Variants in AUTS2 observed in about 807,000 individuals in gnomAD.
AUTS2 encodes the protein autism susceptibility gene 2 protein.
A neutral mutation model predicts 112.4 loss-of-function variants in AUTS2; 17 were observed. The ratio of observed to expected loss-of-function variants is 0.15; its 90% CI spans 0.10 to 0.23. AUTS2 has a LOEUF of 0.23. Among genes scored for constraint, AUTS2 ranks in the 10% least tolerant of loss-of-function variants. AUTS2 has a pLI of 1.00. For missense variants in AUTS2, 1,510 were observed against 1,701.6 expected (o/e 0.89, Z 1.98); for synonymous variants, 751 against 702.7 (o/e 1.07, Z -1.09).
At chr7:70,433,335 C>T (rs80217798) in intron 4 of AUTS2, among the ~76,000 whole-genome samples, 96 of 152,320 alleles carry the variant, frequency 6.3e-4, no homozygotes, top group African/African-American at 2.3e-3. Context: ...GATTACCTCA[C>T]AAGGAGCGCT....
intron 4 of AUTS2, among the ~76,000 whole-genome samples, chr7:70,357,441 C>T (rs1343903303): frequency 1.3e-5 from 2 of 152,174 alleles, no homozygotes; most frequent in Non-Finnish European, 2.9e-5. Context: ...GTCCCATCTT[C>T]CCATCCATTA....
chr7:70,477,545 C>A (rs1440190570), intron 5 of AUTS2, among the ~76,000 whole-genome samples: 4 of 152,172 alleles, frequency 2.6e-5, no homozygotes, highest in African/African-American at 7.2e-5. Flanking sequence ...AGGGCATCAT[C>A]AGAATCACCC....
intron 5 of AUTS2, among the ~76,000 whole-genome samples, chr7:70,450,182 G>A (rs1260571683): frequency 6.6e-6 from 1 of 152,162 alleles, no homozygotes; most frequent in East Asian, 1.9e-4. Flanking sequence ...GCTAAGCCAA[G>A]CACTGTCATG....
At chr7:70,493,118 A>T (rs1798314639) in intron 5 of AUTS2, among the ~76,000 whole-genome samples, 1 of 152,216 alleles carries the variant, frequency 6.6e-6, no homozygotes, top group Non-Finnish European at 1.5e-5. Context: ...TTTTCTAAAA[A>T]TGTATATGCT....
intron 5 of AUTS2, among the ~76,000 whole-genome samples, chr7:70,544,590 A>C (rs1186506153): frequency 1.3e-5 from 2 of 152,192 alleles, no homozygotes; most frequent in Non-Finnish European, 2.9e-5. Flanking sequence ...TGGAACCAGA[A>C]AAGCTAAGTG....
At position 70,295,519 on chromosome 7, in the gene AUTS2, AT is replaced by A. The variant is rs534633349; in HGVS notation, c.661-140232del. ...TTTGGGTTTTGTTTTTGGAGTTTGG[AT>A]CTCTTAGTTTTCATCCTGAATACTG... On this transcript the variant is annotated intron_variant, in intron 4 of 18. Coordinates refer to ENST00000342771, the MANE Select transcript of AUTS2 (RefSeq NM_015570.4). Among the ~76,000 whole-genome samples the A allele has an allele frequency of 6.2e-3, 938 of 151,934 alleles. 11 individuals are homozygous for A. The highest frequency in any genetic ancestry group is 0.021 in the African/African-American group (879 of 41,396).
chr7:70,592,190 T>C (rs993045272), intron 5 of AUTS2, among the ~76,000 whole-genome samples: 4 of 152,134 alleles, frequency 2.6e-5, no homozygotes, highest in African/African-American at 7.2e-5. Context: ...GTATGACACA[T>C]CAAAGAAAGG....
intron 4 of AUTS2, among the ~76,000 whole-genome samples, chr7:70,195,191 C>T (rs1411656936): frequency 6.6e-6 from 1 of 152,162 alleles, no homozygotes; most frequent in Non-Finnish European, 1.5e-5. Flanking sequence ...TAAGACACAA[C>T]TATTAACATA....
At chr7:69,724,127 T>C (rs952387021) in intron 1 of AUTS2, among the ~76,000 whole-genome samples, 2 of 152,186 alleles carry the variant, frequency 1.3e-5, no homozygotes, top group African/African-American at 4.8e-5. Flanking sequence ...AGAGTCAGAC[T>C]ACCTCGGGTG....
chr7:70,132,668 T>A (rs900067704), intron 3 of AUTS2, among the ~76,000 whole-genome samples: 1 of 152,162 alleles, frequency 6.6e-6, no homozygotes, highest in African/African-American at 2.4e-5. Flanking sequence ...CCCAGCTCCC[T>A]GAGTAATGTA....
At chr7:70,734,123 G>A (rs949653098) in intron 6 of AUTS2, among the ~76,000 whole-genome samples, 5 of 151,874 alleles carry the variant, frequency 3.3e-5, no homozygotes, top group African/African-American at 7.3e-5. Flanking sequence ...CAGGCTTCAC[G>A]TTGTACTCGT....
At chr7:70,406,734 G>T (rs1430951644) in intron 4 of AUTS2, among the ~76,000 whole-genome samples, 3 of 152,168 alleles carry the variant, frequency 2.0e-5, no homozygotes, top group Admixed American at 6.5e-5. Flanking sequence ...ACATCAATTC[G>T]TCTTCTCTTG....
chr7:70,289,366 G>A (rs1788606656), intron 4 of AUTS2, among the ~76,000 whole-genome samples: 1 of 152,200 alleles, frequency 6.6e-6, no homozygotes, highest in Non-Finnish European at 1.5e-5. Flanking sequence ...TCTCTTCCAT[G>A]TGCTCCCTTC....
chr7:70,041,367 T>C (rs1373370209), intron 2 of AUTS2, among the ~76,000 whole-genome samples: 1 of 152,234 alleles, frequency 6.6e-6, no homozygotes, highest in African/African-American at 2.4e-5. Context: ...TAGTGGAATA[T>C]AGACTTGATT....
chr7:70,637,726 T>C (rs11561748), intron 5 of AUTS2, among the ~76,000 whole-genome samples: 18,263 of 151,910 alleles, frequency 0.12, 1,289 homozygotes, highest in East Asian at 0.25. Flanking sequence ...ATTTTGGGGG[T>C]TGGTTTTTAT....
rs144777935 is a variant in AUTS2, at chr7:70,504,123, G to A, written c.690+68342G>A. ...GACATTTCTCATCTGTCGTCTTGCAGGCTACTGCACAGGAGCTCGAGTACA... is the reference window on the plus strand; with the variant it reads ...GACATTTCTCATCTGTCGTCTTGCAAGCTACTGCACAGGAGCTCGAGTACA... On this transcript the variant is annotated intron_variant, in intron 5 of 18. Coordinates refer to ENST00000342771, the MANE Select transcript of AUTS2 (RefSeq NM_015570.4). 3.1e-3 allele frequency among the ~76,000 whole-genome samples: 463 copies of A among 150,722 alleles called. 2 individuals are homozygous for A. Among genetic ancestry groups the A allele is most frequent in the African/African-American group, 0.011 (457 of 41,418 alleles).
intron 1 of AUTS2, among the ~76,000 whole-genome samples, chr7:69,812,132 A>G (rs2129525013): frequency 6.6e-6 from 1 of 152,328 alleles, no homozygotes; most frequent in East Asian, 1.9e-4. Flanking sequence ...TCTCCATAAT[A>G]GTCTCAATTA....
chr7:70,144,368 T>C (rs1282885592), intron 4 of AUTS2, among the ~76,000 whole-genome samples: 2 of 152,094 alleles, frequency 1.3e-5, no homozygotes, highest in Admixed American at 6.6e-5. Flanking sequence ...GAACTAGCTC[T>C]GTGATATGAA....
At chr7:69,895,537 T>G (rs1794704777) in intron 1 of AUTS2, among the ~76,000 whole-genome samples, 1 of 137,356 alleles carries the variant, frequency 7.3e-6, no homozygotes. Context: ...CCTCTCTCTC[T>G]CTTCTTCCCC....
Sources: allele counts gnomAD v4.1 joint callset (sites outside exome capture counted in the v4.1 genomes callset), GRCh38; gene constraint gnomAD v4.1.1; transcripts MANE v1.5; gene names NCBI Gene and HGNC (gene_info 2026-07-23, HGNC 2026-07-21).